R3HDM1: variants seen among roughly 807,000 people sequenced by gnomAD.
The protein encoded by R3HDM1 is R3H domain containing 1.
A neutral mutation model predicts 141.1 loss-of-function variants in R3HDM1; 46 were observed. That is an observed-to-expected ratio of 0.33 (90% confidence interval 0.26 to 0.42). The LOEUF (loss-of-function observed/expected upper bound fraction) is 0.42. Among genes scored for constraint, R3HDM1 ranks in the 10% least tolerant of loss-of-function variants. The pLI, the probability that R3HDM1 is intolerant of heterozygous loss-of-function variation, is 1.00. For synonymous variants in R3HDM1, 435 were observed against 472.9 expected (o/e 0.92, Z 1.04); for missense variants, 1,184 against 1,368.3 (o/e 0.87, Z 2.12).
intron 1 of R3HDM1, among the ~76,000 whole-genome samples, chr2:135,558,467 G>A (rs1233847005): frequency 3.3e-5 from 5 of 151,866 alleles, no homozygotes; most frequent in Non-Finnish European, 7.4e-5. Flanking sequence ...TAAAATGAGA[G>A]TAAATATCTT....
At chr2:135,577,298 C>T (rs1574001010) in intron 1 of R3HDM1, 1 of 818,716 alleles carries the variant, frequency 1.2e-6, no homozygotes, top group African/African-American at 1.9e-5. Flanking sequence ...AAAATTTTTT[C>T]AACATATACC....
chr2:135,560,561 CT>C (rs1701622389), intron 1 of R3HDM1, among the ~76,000 whole-genome samples: 1 of 152,184 alleles, frequency 6.6e-6, no homozygotes, highest in Non-Finnish European at 1.5e-5. Flanking sequence ...ATCCGCCCAC[CT>C]CAGCTTCCCA....
intron 23 of R3HDM1, among the ~76,000 whole-genome samples, chr2:135,711,899 C>G (rs1361149896): frequency 2.9e-5 from 4 of 140,326 alleles, no homozygotes; most frequent in African/African-American, 1.1e-4. Context: ...GCAGAGGTTG[C>G]AGTGATCTGA....
chr2:135,628,613 T>G (rs1488595438), intron 7 of R3HDM1, among the ~76,000 whole-genome samples: 1 of 152,100 alleles, frequency 6.6e-6, no homozygotes, highest in Admixed American at 6.5e-5. Context: ...GTTGCCTCCT[T>G]TCTTGTTTGT....
chr2:135,712,312 G>A (rs986595298), intron 23 of R3HDM1, among the ~76,000 whole-genome samples: 3 of 152,054 alleles, frequency 2.0e-5, no homozygotes, highest in African/African-American at 7.2e-5. Flanking sequence ...TACCTAGGCT[G>A]GAGTGCAGTG....
chr2:135,649,480 G>T (rs562048406), intron 16 of R3HDM1: 3 of 152,284 alleles, frequency 2.0e-5, no homozygotes, highest in Admixed American at 6.5e-5. Context: ...TAGTAAGAAT[G>T]AAGTTTTTCA....
rs374251690 is a variant in R3HDM1 at position 135,615,774 on chromosome 2, G to A, written c.172-378G>A. Among the ~76,000 whole-genome samples, 23 of 152,262 alleles carry A rather than the reference G, an allele frequency of 1.5e-4. No individual in the cohort carries two copies. The East Asian group carries it at 4.1e-3, about 27-fold the overall frequency. On this transcript the variant is annotated intron_variant, in intron 3 of 26. Coordinates refer to ENST00000683871, the MANE Select transcript of R3HDM1 (RefSeq NM_001378107.1). ...TCCACCTTTAACTGCTGGTTTTTGTGTGTGTTCTTTTTCCTTAACCTTGGC... is the reference window on the plus strand; with the variant it reads ...TCCACCTTTAACTGCTGGTTTTTGTATGTGTTCTTTTTCCTTAACCTTGGC...
intron 1 of R3HDM1, among the ~76,000 whole-genome samples, chr2:135,541,909 A>T (rs893305552): frequency 6.6e-6 from 1 of 151,894 alleles, no homozygotes; most frequent in Non-Finnish European, 1.5e-5. Flanking sequence ...TCTGAAGTGC[A>T]TATAGGTTGA....
rs1269420310 is a variant in R3HDM1 at position 135,712,785 on chromosome 2, G to T, written c.2736+2554G>T. ...AAATACAAAAAATTAGCTGGGCGTG[G>T]TGGTGGGCGCCTGTAGTCCCAGCTA... is the stretch of plus-strand genomic sequence containing the variant. On this transcript the variant is annotated intron_variant, in intron 23 of 26. Transcript: ENST00000683871. Among the ~76,000 whole-genome samples the T allele has an allele frequency of 2.6e-5, 4 of 151,944 alleles. No individual in the cohort carries two copies. In the South Asian group the frequency reaches 8.3e-4, roughly 31 times the overall value.
Position 135,651,905 on chromosome 2 carries a change from C to T in R3HDM1, c.1901C>T (p.Pro634Leu). The change falls in exon 18 of 27, where the codon CCA (proline) becomes CTA (leucine). Residue 634 changes from proline to leucine, a missense_variant. Pro to Leu is a moderately conservative substitution (Grantham distance 98). Transcript: ENST00000683871. ...PPPHPPPPPPPPPPPPPLPPG... is the reference protein window; with the variant it reads ...PPPHPPPPPPLPPPPPPLPPG... ...CCACATCCTCCTCCACCGCCACCAC[C>T]ACCACCTCCTCCTCCTCCCCTACCA... The T allele has an allele frequency of 6.2e-7, 1 of 1,613,916 alleles. No homozygotes were observed. Among genetic ancestry groups the T allele is most frequent in the Non-Finnish European group, 8.5e-7 (1 of 1,179,886 alleles).
At chr2:135,637,658 G>A (rs1405760189) in intron 11 of R3HDM1, among the ~76,000 whole-genome samples, 1 of 152,114 alleles carries the variant, frequency 6.6e-6, no homozygotes, top group Non-Finnish European at 1.5e-5. Context: ...AAGATTCAGA[G>A]TAGCCAGATT....
chr2:135,531,713 A>G (rs1694740748), intron 1 of R3HDM1, 80 bp downstream of exon 1: 7 of 985,824 alleles, frequency 7.1e-6, no homozygotes, highest in Non-Finnish European at 8.4e-6. Context: ...GCCAACCGGT[A>G]GCGCTAACGG....
At chr2:135,575,872 T>G (rs1323829853) in intron 1 of R3HDM1, among the ~76,000 whole-genome samples, 1 of 152,198 alleles carries the variant, frequency 6.6e-6, no homozygotes, top group Non-Finnish European at 1.5e-5. Flanking sequence ...CTTTTTTACT[T>G]TTTAAGTTAG....
intron 21 of R3HDM1, among the ~76,000 whole-genome samples, chr2:135,700,947 T>C (rs745942497): frequency 6.6e-6 from 1 of 152,208 alleles, no homozygotes; most frequent in Non-Finnish European, 1.5e-5. Context: ...TTGAACCCTG[T>C]ATGTACTATG....
In R3HDM1 at chr2:135,714,892, G is replaced by A. The variant is rs571491133; in HGVS notation, c.2737-658G>A. 8.3e-4 allele frequency among the ~76,000 whole-genome samples: 126 copies of A among 152,186 alleles called. 2 individuals are homozygous for A. The highest frequency in any genetic ancestry group is 6.2e-3 in the Admixed American group (95 of 15,284). On this transcript the variant is annotated intron_variant, in intron 23 of 26. Coordinates refer to ENST00000683871, the MANE Select transcript of R3HDM1 (RefSeq NM_001378107.1). ...TAATGAAATTATTTAAATATGAAAT[G>A]TTACAGTATTTAATATGAAAAAAGA...
intron 1 of R3HDM1, among the ~76,000 whole-genome samples, chr2:135,546,022 T>C (rs1047298879): frequency 4.6e-5 from 7 of 152,196 alleles, no homozygotes; most frequent in Non-Finnish European, 1.0e-4. Context: ...GATATCAGAA[T>C]AGGGGAAGAG....
At position 135,709,436 on chromosome 2, in the gene R3HDM1, T is replaced by C. The variant is rs199864603; in HGVS notation, c.2463T>C (p.Ser821=). 18 of 1,614,040 alleles carry C rather than the reference T, an allele frequency of 1.1e-5. No individual in the cohort carries two copies. The Admixed American group carries it at 1.3e-4, about 12-fold the overall frequency. The change falls in exon 22 of 27, where the codon TCT becomes TCC. Residue 821 remains serine (S), a synonymous_variant. Transcript: ENST00000683871. ...IPPGQQNNLS[S]SVGYLQHPGS... is the part of the protein sequence containing the mutation. ...TGTTTTTTTGTTTTTTCCATAGCTC[T>C]TCAGTAGGTTACCTGCAACATCCAG...
At chr2:135,608,349 T>C (rs953734568) in intron 3 of R3HDM1, among the ~76,000 whole-genome samples, 5 of 151,764 alleles carry the variant, frequency 3.3e-5, no homozygotes, top group Non-Finnish European at 7.4e-5. Flanking sequence ...AATAATTTAC[T>C]ATATGTAAGA....
intron 23 of R3HDM1, 115 bp downstream of exon 23, chr2:135,710,346 C>A: frequency 8.8e-7 from 1 of 1,139,742 alleles, no homozygotes; most frequent in Non-Finnish European, 1.2e-6. Context: ...GAATTTGGGC[C>A]AGGCGCGGTG....
Sources: gnomAD v4.1 joint callset for allele counts (sites outside exome capture counted in the v4.1 genomes callset) on GRCh38, gnomAD v4.1.1 for gene constraint, MANE v1.5 for transcripts, NCBI Gene and HGNC (gene_info 2026-07-23, HGNC 2026-07-21) for gene names.